Variants in SEPTIN7 observed in about 807,000 individuals in gnomAD.
SEPTIN7 encodes the protein septin 7.
SEPTIN7 carries 10 observed loss-of-function variants against 63.3 expected under a neutral mutation model. The ratio of observed to expected loss-of-function variants is 0.16; its 90% confidence interval spans 0.10 to 0.27. The LOEUF (loss-of-function observed/expected upper bound fraction) is 0.27, where lower values mean the gene tolerates loss of function less well. Ranked by LOEUF, SEPTIN7 falls within the 10% of genes least tolerant of loss-of-function variation. The probability of loss-of-function intolerance (pLI) is 1.00; values close to 1 mark genes in which losing one functional copy is unlikely to be tolerated. For synonymous variants in SEPTIN7, 131 were observed against 165.3 expected, an observed-to-expected ratio of 0.79 and a Z score of 1.59; for missense variants, 310 against 521.0, an observed-to-expected ratio of 0.59 and a Z score of 3.94.
chr7:35,824,456 T>C (rs1236161518), intron 1 of SEPTIN7, among the ~76,000 whole-genome samples: 1 of 152,206 alleles, frequency 6.6e-6, no homozygotes, highest in Non-Finnish European at 1.5e-5. Context: ...CTTGATACCA[T>C]TTAAATGTTG....
At chr7:35,837,617 T>C (rs1377295245) in intron 3 of SEPTIN7, among the ~76,000 whole-genome samples, 1 of 152,236 alleles carries the variant, frequency 6.6e-6, no homozygotes, top group East Asian at 1.9e-4. Flanking sequence ...CCATTTTGTA[T>C]GCTCATCAAG....
chr7:35,808,134 G>GT (rs1199406861), intron 1 of SEPTIN7, among the ~76,000 whole-genome samples: 3 of 151,838 alleles, frequency 2.0e-5, no homozygotes, highest in Non-Finnish European at 2.9e-5. Flanking sequence ...TTTTGTTGTT[G>GT]TTTTTTTTAA....
At chr7:35,841,782 T>G (rs1435028525) in intron 3 of SEPTIN7, among the ~76,000 whole-genome samples, 2 of 152,196 alleles carry the variant, frequency 1.3e-5, no homozygotes, top group Admixed American at 1.3e-4. Flanking sequence ...GATAGAAATG[T>G]AATTCTCACA....
chr7:35,878,434 G>C (rs932237460), intron 6 of SEPTIN7, among the ~76,000 whole-genome samples: 3 of 152,048 alleles, frequency 2.0e-5, no homozygotes, highest in Admixed American at 2.0e-4. Context: ...AAGAGATGAG[G>C]TTAGCTTGAG....
intron 1 of SEPTIN7, among the ~76,000 whole-genome samples, chr7:35,810,986 A>G (rs763648924): frequency 3.3e-5 from 5 of 151,498 alleles, no homozygotes; most frequent in East Asian, 3.9e-4. Context: ...CCAGACTGGT[A>G]TCGAACTCCT....
At chr7:35,840,058 T>G (rs934273378) in intron 3 of SEPTIN7, among the ~76,000 whole-genome samples, 2 of 152,132 alleles carry the variant, frequency 1.3e-5, no homozygotes, top group African/African-American at 4.8e-5. Flanking sequence ...TTGTGGCTCT[T>G]GGCACATACT....
intron 3 of SEPTIN7, among the ~76,000 whole-genome samples, chr7:35,839,914 T>G (rs1266707422): frequency 8.5e-5 from 13 of 152,134 alleles, no homozygotes; most frequent in Admixed American, 8.5e-4. Context: ...TTGTTACAAA[T>G]AGCATGGCAA....
intron 3 of SEPTIN7, among the ~76,000 whole-genome samples, chr7:35,848,904 C>T (rs1286878994): frequency 2.6e-5 from 4 of 152,168 alleles, no homozygotes; most frequent in East Asian, 1.9e-4. Flanking sequence ...TACCTCTTAG[C>T]GCCTCCCAGC....
chr7:35,823,490 C>T (rs545588450), intron 1 of SEPTIN7, among the ~76,000 whole-genome samples: 23 of 152,290 alleles, frequency 1.5e-4, no homozygotes, highest in Admixed American at 1.1e-3. Context: ...CATGAGCCAC[C>T]GTGCCCAGCA....
intron 11 of SEPTIN7, among the ~76,000 whole-genome samples, chr7:35,892,579 T>G (rs991067752): frequency 1.3e-5 from 2 of 152,146 alleles, no homozygotes; most frequent in African/African-American, 4.8e-5. Context: ...ATTTGTTAAG[T>G]TGTAGATAAA....
Position 35,801,252 on chromosome 7 carries a change from G to A in SEPTIN7, c.43G>A (p.Val15Ile), listed in dbSNP as rs1262113491. 2 of 1,530,420 alleles carry A rather than the reference G, an allele frequency of 1.3e-6. No individual in the cohort carries two copies. The highest frequency in any genetic ancestry group is 2.1e-5 in the Admixed American group (1 of 47,980). The allele number at this position is 1,530,420 out of a possible 1,614,324, so 94.8% of individuals were successfully genotyped here. Residue 15 changes from valine to isoleucine, a missense_variant, in exon 1 of 14, where the codon GTC becomes ATC. Val to Ile is a conservative substitution (Grantham distance 29). This residue lies in a region of SEPTIN7 where 55 missense variants were observed against 30.5 expected (regional missense o/e 1.80). Coordinates refer to ENST00000350320, the MANE Select transcript of SEPTIN7 (RefSeq NM_001788.6). ...ARSAAAEERS[V>I]NSSTMVAQQK... ...ATCCGCTGCTGCTGAGGAGAGGAGC[G>A]TCAACAGCAGCACCATGGGTGAGTC...
rs559724793 is a variant in SEPTIN7, at chr7:35,897,194, T to C, written c.999-1054T>C. Among the ~76,000 whole-genome samples, 10 of 152,302 alleles carry C rather than the reference T, an allele frequency of 6.6e-5. No individual in the cohort carries two copies. The East Asian group carries it at 1.2e-3, about 18-fold the overall frequency. On this transcript the variant is annotated intron_variant, in intron 11 of 13. Coordinates refer to ENST00000350320, the MANE Select transcript of SEPTIN7 (RefSeq NM_001788.6). ...CAGTAAAATTTACCCATTTAAAATA[T>C]AAACCTCAATCAATGGTCAAAGCCT...
chr7:35,911,261 G>A (rs944392790), downstream of SEPTIN7, among the ~76,000 whole-genome samples: 45 of 152,184 alleles, frequency 3.0e-4, no homozygotes, highest in Middle Eastern at 3.2e-3. Flanking sequence ...GGCTGACACA[G>A]GGAACAATTA....
chr7:35,818,608 CTT>C (rs1789230756), intron 1 of SEPTIN7, among the ~76,000 whole-genome samples: 1 of 151,856 alleles, frequency 6.6e-6, no homozygotes, highest in East Asian at 1.9e-4. Flanking sequence ...GTGTTTTTGC[CTT>C]TTTGGGGTGT....
rs549497574 is a variant in SEPTIN7, at chr7:35,876,979, A to G, written c.513-2844A>G. Among the ~76,000 whole-genome samples, 16 of 152,138 alleles carry G rather than the reference A, an allele frequency of 1.1e-4. No homozygotes were observed. The South Asian group carries it at 3.3e-3, about 32-fold the overall frequency. ...AGTGAAACTAAAAAAAGAAAAAAAA[A>G]TTAGCTGGGCCTGGGGGTGCACTCT... On this transcript the variant is annotated intron_variant, in intron 6 of 13. Coordinates refer to ENST00000350320, the MANE Select transcript of SEPTIN7 (RefSeq NM_001788.6).
chr7:35,835,541 G>A (rs148404705), intron 3 of SEPTIN7, among the ~76,000 whole-genome samples: 2 of 152,300 alleles, frequency 1.3e-5, no homozygotes, highest in East Asian at 1.9e-4. Flanking sequence ...CTACTGCTCA[G>A]TTAGTCTGGG....
intron 6 of SEPTIN7, 117 bp downstream of exon 6, chr7:35,873,892 A>G: frequency 2.1e-6 from 2 of 940,308 alleles, no homozygotes; most frequent in Admixed American, 5.5e-5. Flanking sequence ...GCCATTATGA[A>G]GTACTAAATT....
chr7:35,812,354 T>A (rs1178988797), intron 1 of SEPTIN7, among the ~76,000 whole-genome samples: 1 of 147,948 alleles, frequency 6.8e-6, no homozygotes, highest in Non-Finnish European at 1.5e-5. Flanking sequence ...TTTGGAATAG[T>A]TTTGGATTTG....
intron 4 of SEPTIN7, among the ~76,000 whole-genome samples, chr7:35,866,692 T>G (rs1785822475): frequency 6.6e-6 from 1 of 152,208 alleles, no homozygotes; most frequent in African/African-American, 2.4e-5. Context: ...GTGTGTAAAA[T>G]AGCAGTTCTG....
Sources: allele counts gnomAD v4.1 joint callset (sites outside exome capture counted in the v4.1 genomes callset), GRCh38; gene constraint gnomAD v4.1.1; regional missense constraint gnomAD v4.1.1; transcripts MANE v1.5; gene names NCBI Gene and HGNC (gene_info 2026-07-23, HGNC 2026-07-21).